The following SGSH variants were observed in gnomAD, a reference collection of about 807,000 sequenced individuals.
The protein encoded by SGSH is N-sulfoglucosamine sulfohydrolase.
Under a neutral mutation model 51.0 loss-of-function variants are expected in SGSH, and 48 were observed. The observed-to-expected ratio is 0.94, with a 90% CI of 0.75 to 1.20. The LOEUF (loss-of-function observed/expected upper bound fraction) is 1.20, where lower values mean the gene tolerates loss of function less well. SGSH is among the 50% of genes most tolerant of loss of function. The pLI, the probability that SGSH is intolerant of heterozygous loss-of-function variation, is 0.00. For synonymous variants in SGSH, 321 were observed against 313.4 expected (o/e 1.02, Z -0.26); for missense variants, 662 against 717.8 (o/e 0.92, Z 0.89).
chr17:80,211,020 G>A lies in SGSH; in HGVS notation c.950-9C>T, dbSNP rs2041634619. The A allele has an allele frequency of 6.3e-7, 1 of 1,598,316 alleles. No homozygotes were observed. Among genetic ancestry groups the A allele is most frequent in the Admixed American group, 1.7e-5 (1 of 60,020 alleles). ...GATGGTGGGCGTGAGGTCTGGAAGG[G>A]ACGCGGCATCTCAGAGCAGCAGAGC... On this transcript the variant is annotated splice_polypyrimidine_tract_variant and intron_variant, in intron 7 of 7. Coordinates refer to ENST00000326317, the MANE Select transcript of SGSH (RefSeq NM_000199.5).
At position 80,212,639 on chromosome 17, in the gene SGSH, A is replaced by C; in HGVS notation, c.746-365T>G. 2.7e-6 allele frequency: 1 copy of C among 364,564 alleles called. No homozygotes were observed. Among genetic ancestry groups the C allele is most frequent in the South Asian group, 2.3e-5 (1 of 43,850 alleles). The allele number at this position is 364,564 out of a possible 1,614,324, so 22.6% of individuals were successfully genotyped here. A position where few individuals can be genotyped will look rare whatever the true frequency, so the allele number is the denominator to read the frequency against. On this transcript the variant is annotated intron_variant, in intron 6 of 7. Coordinates refer to ENST00000326317, the MANE Select transcript of SGSH (RefSeq NM_000199.5). The surrounding 1 kb of genome is among the most constrained non-coding windows in gnomAD (Gnocchi z 5.9). ...GGCCAGAGGACGAGGCTTCCTCTATACTCGCTCCTTCCCAGCTGGGGCCAG... is the reference window on the plus strand; with the variant it reads ...GGCCAGAGGACGAGGCTTCCTCTATCCTCGCTCCTTCCCAGCTGGGGCCAG...
chr17:80,205,486 C>T (rs1356377720), downstream of SGSH: 4 of 1,565,598 alleles, frequency 2.6e-6, no homozygotes, highest in African/African-American at 1.4e-5. Context: ...CCCCCAGACC[C>T]CCACACAGCT....
chr17:80,210,636 C>T lies in SGSH; in HGVS notation c.1325G>A (p.Ser442Asn), dbSNP rs1047935424. The part of the protein sequence containing the change: ...YRARWELYDR[S>N]RDPHETQNLA... ...GTTCTGGGTCTCGTGGGGGTCCCGG[C>T]TCCGGTCGTAGAGCTCCCAGCGCGC... The change falls in exon 8 of 8, where the codon AGC becomes AAC. Residue 442 changes from serine to asparagine, a missense_variant. Ser to Asn is a conservative substitution (Grantham distance 46). Coordinates refer to ENST00000326317, the MANE Select transcript of SGSH (RefSeq NM_000199.5). 63 of 1,613,792 alleles carry T rather than the reference C, an allele frequency of 3.9e-5. No homozygotes were observed. Among genetic ancestry groups the T allele is most frequent in the Non-Finnish European group, 4.9e-5 (58 of 1,180,042 alleles).
chr17:80,205,277 T>TCTTCCCCTTCCTCCCTCCTC, downstream of SGSH: 1 of 1,254,480 alleles, frequency 8.0e-7, no homozygotes, highest in Non-Finnish European at 1.1e-6. Context: ...CCTCCCTCCT[T>TCTTCCCCTTCCTCCCTCCTC]CCTCCCCTTC....
downstream of SGSH, chr17:80,208,033 A>C (rs910889480): frequency 6.1e-6 from 5 of 815,516 alleles, no homozygotes; most frequent in Admixed American, 6.4e-5. Context: ...AAGCGAGGCC[A>C]CCTGTGTTTA....
In SGSH at chr17:80,209,992, C is replaced by T. The variant is rs1026419541; in HGVS notation, c.*460G>A. 5.8e-6 allele frequency: 6 copies of T among 1,037,600 alleles called. No homozygotes were observed. Among genetic ancestry groups the T allele is most frequent in the East Asian group, 7.9e-5 (1 of 12,606 alleles). 64.3% of individuals were successfully genotyped at this position (1,037,600 alleles called of 1,614,324 possible). On this transcript the variant is annotated 3_prime_UTR_variant, in exon 8 of 8. Transcript: ENST00000326317. ...GTCGGTGGGACCTGCGTACTGCCCA[C>T]GCGGCACCGAAGCCCCTGCCTGCTC...
chr17:80,220,298 G>C lies in SGSH; in HGVS notation c.16C>G (p.Pro6Ala). Reference sequence around the variant, plus strand: ...ACTAGCAGCAGCGCGCAGCAGGCGGGCACGGGGCAGCTCATGGCGGCGGCG... The same window carrying C: ...ACTAGCAGCAGCGCGCAGCAGGCGGCCACGGGGCAGCTCATGGCGGCGGCG... The part of the protein sequence containing the change: MSCPV[P>A]ACCALLLVLG... The change falls in exon 1 of 8, where the codon CCC becomes GCC. Residue 6 changes from proline (P) to alanine (A), a missense_variant. Physicochemically the swap from Pro to Ala is conservative, Grantham distance 27 (BLOSUM62 -1). Transcript: ENST00000326317. The C allele has an allele frequency of 1.3e-6, 2 of 1,516,190 alleles. No individual in the cohort carries two copies. Among genetic ancestry groups the C allele is most frequent in the Non-Finnish European group, 1.8e-6 (2 of 1,138,930 alleles). 93.9% of individuals were successfully genotyped at this position (1,516,190 alleles called of 1,614,324 possible).
Position 80,217,058 on chromosome 17 carries a change from C to A in SGSH, c.223G>T (p.Ala75Ser). ...TSVSSCSPSR[A>S]SLLTGLPQHQ... Reference sequence around the variant, plus strand: ...TGGGGCAGGCCAGTGAGGAGGCTGGCGCGGCTGGGAGAGCAGCTGCTGACC... The same window carrying A: ...TGGGGCAGGCCAGTGAGGAGGCTGGAGCGGCTGGGAGAGCAGCTGCTGACC... The change falls in exon 2 of 8, where the codon GCC becomes TCC. Residue 75 changes from alanine to serine, a missense_variant. Physicochemically the swap from Ala to Ser is moderately conservative, Grantham distance 99. Coordinates refer to ENST00000326317, the MANE Select transcript of SGSH (RefSeq NM_000199.5). 1.3e-6 allele frequency: 2 copies of A among 1,588,564 alleles called. No individual in the cohort carries two copies. The highest frequency in any genetic ancestry group is 1.3e-5 in the African/African-American group (1 of 74,820).
rs759410190 is a variant in SGSH at position 80,214,690 on chromosome 17, G to A, written c.431C>T (p.Ser144Phe). 2 of 1,613,246 alleles carry A rather than the reference G, an allele frequency of 1.2e-6. No individual in the cohort carries two copies. Among genetic ancestry groups the A allele is most frequent in the South Asian group, 2.2e-5 (2 of 91,090 alleles). ...GATGTTCCGCCCCACCTGGAGGACG[G>A]AGCCATTCTCCTCCGTGTACGCAAA... ...FDFAYTEENGSVLQVGRNITR... is the reference protein window; with the variant it reads ...FDFAYTEENGFVLQVGRNITR... The change falls in exon 4 of 8, where the codon TCC becomes TTC. Residue 144 changes from serine to phenylalanine, a missense_variant. Coordinates refer to ENST00000326317, the MANE Select transcript of SGSH (RefSeq NM_000199.5).
At chr17:80,202,091 T>G, downstream of SGSH, 1 of 1,313,566 alleles carries the variant, frequency 7.6e-7, no homozygotes, top group Non-Finnish European at 1.1e-6. Flanking sequence ...GGGAGGGTCC[T>G]TCCTTCTCTC....
chr17:80,203,914 C>T, downstream of SGSH: 1 of 1,558,706 alleles, frequency 6.4e-7, no homozygotes, highest in Non-Finnish European at 8.7e-7. The surrounding 1 kb of genome is among the most constrained non-coding windows in gnomAD (Gnocchi z 4.6). Flanking sequence ...GCCTGGACCC[C>T]ACTGGGGTGG....
chr17:80,212,320 G>A lies in SGSH; in HGVS notation c.746-46C>T. The A allele has an allele frequency of 6.6e-7, 1 of 1,515,510 alleles. No homozygotes were observed. The highest frequency in any genetic ancestry group is 1.2e-5 in the South Asian group (1 of 84,868). 93.9% of individuals were successfully genotyped at this position (1,515,510 alleles called of 1,614,324 possible). On this transcript the variant is annotated intron_variant, in intron 6 of 7. Coordinates refer to ENST00000326317, the MANE Select transcript of SGSH (RefSeq NM_000199.5). The surrounding 1 kb of genome is among the most constrained non-coding windows in gnomAD (Gnocchi z 5.9). Reference sequence around the variant, plus strand: ...GCAGAGCTCAGCCGCAGACACGGAGGGAGGCAGCGGGTGGTGTGTGTAGAC... The same window carrying A: ...GCAGAGCTCAGCCGCAGACACGGAGAGAGGCAGCGGGTGGTGTGTGTAGAC...
Position 80,212,318 on chromosome 17 carries a change from A to AG in SGSH, c.746-45dup. On this transcript the variant is annotated intron_variant, in intron 6 of 7. Coordinates refer to ENST00000326317, the MANE Select transcript of SGSH (RefSeq NM_000199.5). This position sits in a 1 kb window ranked among gnomAD's most constrained non-coding sequence, Gnocchi z 5.9. ...AAGCAGAGCTCAGCCGCAGACACGGAGGGAGGCAGCGGGTGGTGTGTGTAG... is the reference window on the plus strand; with the variant it reads ...AAGCAGAGCTCAGCCGCAGACACGGAGGGGAGGCAGCGGGTGGTGTGTGTAG... The AG allele has an allele frequency of 6.5e-7, 1 of 1,532,964 alleles. No individual in the cohort carries two copies. The allele number at this position is 1,532,964 out of a possible 1,614,324, so 95.0% of individuals were successfully genotyped here. A position where few individuals can be genotyped will look rare whatever the true frequency, so the allele number is the denominator to read the frequency against.
rs778163282 is a variant in SGSH, at chr17:80,213,918, C to G, written c.664-33G>C. ...AGGCGGTGGGGAGCCAGGCTTAGAA[C>G]AGACAGACCGGGGGAGCGGTGTCCA... On this transcript the variant is annotated intron_variant, in intron 5 of 7. Coordinates refer to ENST00000326317, the MANE Select transcript of SGSH (RefSeq NM_000199.5). This position sits in a 1 kb window ranked among gnomAD's most constrained non-coding sequence, Gnocchi z 4.6. 11 of 1,541,848 alleles carry G rather than the reference C, an allele frequency of 7.1e-6. No homozygotes were observed. The highest frequency in any genetic ancestry group is 1.9e-5 in the Admixed American group (1 of 52,824).
rs35245707 is a variant in SGSH, at chr17:80,216,725, C to G, written c.249+307G>C. ...AAGTGTTTACATACAAAGCATTAGCCCCGCCAATCTCCATAACTAGAGTGG... is the reference window on the plus strand; with the variant it reads ...AAGTGTTTACATACAAAGCATTAGCGCCGCCAATCTCCATAACTAGAGTGG... On this transcript the variant is annotated intron_variant, in intron 2 of 7. Coordinates refer to ENST00000326317, the MANE Select transcript of SGSH (RefSeq NM_000199.5). 2.2e-4 allele frequency: 97 copies of G among 450,158 alleles called. 1 individual carries two copies. The highest frequency in any genetic ancestry group is 6.6e-4 in the Admixed American group (19 of 28,820). The allele number at this position is 450,158 out of a possible 1,614,324, so 27.9% of individuals were successfully genotyped here. A position where few individuals can be genotyped will look rare whatever the true frequency, so the allele number is the denominator to read the frequency against.
intron 7 of SGSH, 139 bp downstream of exon 7, chr17:80,211,932 T>C (rs373966573): frequency 2.7e-6 from 2 of 729,986 alleles, no homozygotes; most frequent in Non-Finnish European, 4.8e-6. Context: ...CTCTGTAGAG[T>C]GGGAGTGACA....
At chr17:80,202,445 G>T, downstream of SGSH, 1 of 1,603,928 alleles carries the variant, frequency 6.2e-7, no homozygotes, top group South Asian at 1.1e-5. Flanking sequence ...CGAGCTCGGT[G>T]CGTCCCCAGA....
At chr17:80,203,738 C>T (rs1241636296), downstream of SGSH, 5 of 1,040,016 alleles carry the variant, frequency 4.8e-6, no homozygotes, top group Non-Finnish European at 7.1e-6. This position sits in a 1 kb window ranked among gnomAD's most constrained non-coding sequence, Gnocchi z 4.6. Context: ...CGGCCATCTC[C>T]CCCACTCTCC....
Position 80,214,642 on chromosome 17 carries a change from C to A in SGSH, c.479G>T (p.Arg160Leu). ...RNITRIKLLV[R>L]KFLQTQDDRP... ...GTCATCCTGAGTCTGCAGGAATTTC[C>A]GGACGAGCAGCTTAATTCTAGTGAT... The change falls in exon 4 of 8, where the codon CGG (arginine) becomes CTG (leucine). Residue 160 changes from arginine to leucine, a missense_variant. Arg to Leu is a moderately radical substitution (Grantham distance 102). Coordinates refer to ENST00000326317, the MANE Select transcript of SGSH (RefSeq NM_000199.5). 3 of 1,613,386 alleles carry A rather than the reference C, an allele frequency of 1.9e-6. No homozygotes were observed. Among genetic ancestry groups the A allele is most frequent in the Non-Finnish European group, 2.5e-6 (3 of 1,179,974 alleles).
Sources: allele counts gnomAD v4.1 joint callset, GRCh38; gene constraint gnomAD v4.1.1; non-coding constraint Gnocchi (gnomAD v3.1); transcripts MANE v1.5; gene names NCBI Gene and HGNC (gene_info 2026-07-23, HGNC 2026-07-21).